NAA25: variants seen among roughly 807,000 people sequenced by gnomAD.
NAA25 encodes N-alpha-acetyltransferase 25, NatB auxiliary subunit.
NAA25 carries 30 observed loss-of-function variants against 132.5 expected under a neutral mutation model. The ratio of observed to expected loss-of-function variants is 0.23; its 90% CI spans 0.17 to 0.31. NAA25 has a LOEUF of 0.31. Among genes scored for constraint, NAA25 ranks in the 10% least tolerant of loss-of-function variants. The probability of loss-of-function intolerance (pLI) is 1.00; values close to 1 mark genes in which losing one functional copy is unlikely to be tolerated. For missense variants in NAA25, 771 were observed against 1,150.4 expected (o/e 0.67, Z 4.77); for synonymous variants, 359 against 401.9 (o/e 0.89, Z 1.28).
chr12:112,039,234 T>C lies in NAA25; in HGVS notation c.2644A>G (p.Ile882Val). ...ACTTGTGTTACTGTTATTACCATGA[T>C]GATGCTGGTTTCTTTTTTCTTCTTT... ...KKKKKKETSI[I>V]MPPVFTSFQD... Residue 882 changes from isoleucine to valine, a missense_variant, in exon 22 of 24, where the codon ATC becomes GTC. This residue lies in a region of NAA25 where 324 missense variants were observed against 400.0 expected (regional missense o/e 0.81). Coordinates refer to ENST00000261745, the MANE Select transcript of NAA25 (RefSeq NM_024953.4). 6.4e-7 allele frequency: 1 copy of C among 1,569,026 alleles called. No homozygotes were observed. Among genetic ancestry groups the C allele is most frequent in the South Asian group, 1.1e-5 (1 of 87,306 alleles).
chr12:112,092,742 A>G (rs1375577346), intron 2 of NAA25, among the ~76,000 whole-genome samples: 2 of 147,012 alleles, frequency 1.4e-5, no homozygotes, highest in East Asian at 4.3e-4. Flanking sequence ...CAATGGTGCG[A>G]TCTCCGCTCA....
At chr12:112,031,339 G>A (rs2078147465) in intron 23 of NAA25, among the ~76,000 whole-genome samples, 1 of 152,192 alleles carries the variant, frequency 6.6e-6, no homozygotes, top group Non-Finnish European at 1.5e-5. Flanking sequence ...AAGACAATTA[G>A]CCAAAACTAT....
intron 10 of NAA25, among the ~76,000 whole-genome samples, chr12:112,070,745 T>C (rs2078793074): frequency 6.6e-6 from 1 of 151,756 alleles, no homozygotes; most frequent in South Asian, 2.1e-4. Flanking sequence ...TCAGATAATT[T>C]TTTGTTTTTG....
intron 8 of NAA25, 58 bp downstream of exon 8, chr12:112,075,620 T>C: frequency 2.2e-6 from 3 of 1,343,104 alleles, no homozygotes; most frequent in South Asian, 1.2e-5. Flanking sequence ...AGAAAATCAA[T>C]AGTGAGGTCT....
chr12:112,043,757 A>G lies in NAA25; in HGVS notation c.2118T>C (p.Pro706=), dbSNP rs146618811. The change falls in exon 18 of 24, where the codon CCT becomes CCC. Residue 706 remains proline, a synonymous_variant. Transcript: ENST00000261745. ...TCTTCTCCGAGTTCTTTGGCTCCAC[A>G]GGGTGGTTGAGACTTGGAAGTCCAC... ...LISGLPSLNH[P]VEPKNSEKTA... is the part of the protein sequence containing the mutation. 3.9e-4 allele frequency: 626 copies of G among 1,614,016 alleles called. No individual in the cohort carries two copies. Among genetic ancestry groups the G allele is most frequent in the Non-Finnish European group, 5.1e-4 (603 of 1,180,026 alleles).
In NAA25 at chr12:112,054,400, T is replaced by C; in HGVS notation, c.1616A>G (p.His539Arg). Residue 539 changes from histidine (H) to arginine (R), a missense_variant, in exon 14 of 24, where the codon CAT becomes CGT. His to Arg is a conservative substitution (Grantham distance 29). Transcript: ENST00000261745. ...YSSLDAKHIQ[H>R]DTIGYLLTRY... is the part of the protein sequence containing the mutation. ...ATATACTACCAACCCAATGGTATCATGCTGGATATGCTTAGCATCGAGGCT... is the reference window on the plus strand; with the variant it reads ...ATATACTACCAACCCAATGGTATCACGCTGGATATGCTTAGCATCGAGGCT... 2 of 1,614,078 alleles carry C rather than the reference T, an allele frequency of 1.2e-6. No individual in the cohort carries two copies. The highest frequency in any genetic ancestry group is 2.2e-5 in the East Asian group (1 of 44,886).
At chr12:112,047,883 GA>G (rs2136824005) in intron 16 of NAA25, 93 bp from the exon 17 acceptor site, 1 of 1,274,714 alleles carries the variant, frequency 7.8e-7, no homozygotes, top group Non-Finnish European at 1.1e-6. Flanking sequence ...GACAGGAAGG[GA>G]AAGAGGAAGG....
intron 9 of NAA25, among the ~76,000 whole-genome samples, chr12:112,073,394 T>C (rs538608776): frequency 6.6e-6 from 1 of 152,262 alleles, no homozygotes; most frequent in African/African-American, 2.4e-5. Flanking sequence ...CTCATAACTG[T>C]CATCTTGAAT....
chr12:112,035,130 T>C (rs888731421), intron 22 of NAA25: 1 of 152,182 alleles, frequency 6.6e-6, no homozygotes, highest in African/African-American at 2.4e-5. Flanking sequence ...GGTAAGTATA[T>C]GAATGATCTT....
intron 4 of NAA25, among the ~76,000 whole-genome samples, chr12:112,082,211 G>T (rs758831931): frequency 6.6e-6 from 1 of 152,044 alleles, no homozygotes; most frequent in Non-Finnish European, 1.5e-5. Context: ...TCGTGCCACT[G>T]CACTCTAGCC....
At chr12:112,062,361 A>G (rs1380410108) in intron 11 of NAA25, among the ~76,000 whole-genome samples, 2 of 151,140 alleles carry the variant, frequency 1.3e-5, no homozygotes. Flanking sequence ...AGATTGTTCT[A>G]CTGCACTCCA....
chr12:112,100,383 G>A (rs2056697), intron 1 of NAA25, among the ~76,000 whole-genome samples: 12 of 151,824 alleles, frequency 7.9e-5, no homozygotes, highest in South Asian at 2.1e-4. Flanking sequence ...GGATGGTCTC[G>A]ATCTCCTGAC....
chr12:112,072,126 G>C, intron 9 of NAA25, 62 bp from the exon 10 acceptor site: 1 of 1,298,912 alleles, frequency 7.7e-7, no homozygotes, highest in Non-Finnish European at 1.0e-6. Flanking sequence ...GAAGCTTAAA[G>C]TCAAGCCAAA....
chr12:112,081,785 T>C (rs2078976208), intron 4 of NAA25, among the ~76,000 whole-genome samples: 1 of 152,240 alleles, frequency 6.6e-6, no homozygotes, highest in African/African-American at 2.4e-5. Flanking sequence ...ATATGTTTTT[T>C]AATCTTTTGC....
Position 112,108,697 on chromosome 12 carries a change from G to A in NAA25, c.58+19C>T. The stretch of plus-strand genomic sequence containing the variant: ...CTCGGCGCGTCGGGCTGGCGAGCGG[G>A]CTGGTCCAAGACACTCACCGTAAAT... On this transcript the variant is annotated intron_variant, in intron 1 of 23. Transcript: ENST00000261745. 1.4e-6 allele frequency: 2 copies of A among 1,474,682 alleles called. No homozygotes were observed. Among genetic ancestry groups the A allele is most frequent in the Non-Finnish European group, 1.8e-6 (2 of 1,105,398 alleles). The allele number at this position is 1,474,682 out of a possible 1,614,324, so 91.3% of individuals were successfully genotyped here.
At chr12:112,078,599 A>C (rs751921292) in intron 6 of NAA25, 35 bp downstream of exon 6, 1 of 1,559,836 alleles carries the variant, frequency 6.4e-7, no homozygotes. Context: ...CTAGCAAAAA[A>C]ATGAAAACAC....
At chr12:112,047,875 C>A in intron 16 of NAA25, 85 bp from the exon 17 acceptor site, 1 of 1,343,614 alleles carries the variant, frequency 7.4e-7, no homozygotes, top group Non-Finnish European at 1.0e-6. Context: ...TTTTACTAGA[C>A]AGGAAGGGAA....
chr12:112,058,564 T>C (rs1017431703), intron 13 of NAA25, among the ~76,000 whole-genome samples: 23 of 152,316 alleles, frequency 1.5e-4, no homozygotes, highest in Admixed American at 1.3e-3. Flanking sequence ...GGTGTGATCA[T>C]AGCTCACTGC....
chr12:112,062,503 T>C (rs1170628562), intron 11 of NAA25, among the ~76,000 whole-genome samples: 4 of 151,704 alleles, frequency 2.6e-5, no homozygotes, highest in African/African-American at 9.7e-5. Flanking sequence ...GGCGGGTGGA[T>C]TGCCTGAGGT....
Sources: gnomAD v4.1 joint callset for allele counts (sites outside exome capture counted in the v4.1 genomes callset) on GRCh38, gnomAD v4.1.1 for gene constraint, gnomAD v4.1.1 regional missense constraint, MANE v1.5 for transcripts, NCBI Gene and HGNC (gene_info 2026-07-23, HGNC 2026-07-21) for gene names.